LARP1B: variants seen among roughly 807,000 people sequenced by gnomAD.
LARP1B encodes la-related protein 1B.
In LARP1B, 76 loss-of-function variants were observed where a neutral mutation model predicts 114.2. That is an observed-to-expected ratio of 0.67 (90% CI 0.55 to 0.81). The LOEUF (loss-of-function observed/expected upper bound fraction) is 0.81. LARP1B is among the 30% of genes least tolerant of loss of function. The pLI is 0.00. For missense variants in LARP1B, 1,014 were observed against 1,075.8 expected (o/e 0.94, Z 0.80); for synonymous variants, 345 against 348.0 (o/e 0.99, Z 0.10).
intron 15 of LARP1B, among the ~76,000 whole-genome samples, chr4:128,185,154 C>G (rs1478238351): frequency 6.6e-6 from 1 of 152,152 alleles, no homozygotes; most frequent in Non-Finnish European, 1.5e-5. Flanking sequence ...GCAGCTGTCT[C>G]TTTGATATAC....
At chr4:128,085,265 T>G (rs1772970495) in intron 5 of LARP1B, among the ~76,000 whole-genome samples, 1 of 152,104 alleles carries the variant, frequency 6.6e-6, no homozygotes, top group Non-Finnish European at 1.5e-5. Flanking sequence ...CTTTTCTCCC[T>G]TTGTAATTAC....
chr4:128,110,379 T>C (rs1451209308), intron 9 of LARP1B, among the ~76,000 whole-genome samples: 4 of 151,704 alleles, frequency 2.6e-5, no homozygotes, highest in Admixed American at 2.0e-4. Context: ...TTACCCTTAA[T>C]CCGTTCAGAT....
At chr4:128,073,418 C>CAAAAAAAA (rs776553862) in intron 1 of LARP1B, among the ~76,000 whole-genome samples, 2 of 42,910 alleles carry the variant, frequency 4.7e-5, no homozygotes, top group African/African-American at 1.1e-4. Flanking sequence ...GATTCCGTCT[C>CAAAAAAAA]AAAAAAAAAA....
chr4:128,178,392 C>A, intron 13 of LARP1B, 39 bp from the exon 14 acceptor site: 1 of 1,399,734 alleles, frequency 7.1e-7, no homozygotes, highest in Non-Finnish European at 1.0e-6. Flanking sequence ...AAATATTTTC[C>A]TAGCATCTAA....
chr4:128,113,752 C>T (rs114855865), intron 9 of LARP1B, among the ~76,000 whole-genome samples: 3,881 of 145,938 alleles, frequency 0.027, 158 homozygotes, highest in African/African-American at 0.093. Flanking sequence ...ATTGCCAGGG[C>T]TGTGTGCGTT....
intron 5 of LARP1B, among the ~76,000 whole-genome samples, chr4:128,088,292 G>A (rs969419330): frequency 3.9e-5 from 6 of 152,056 alleles, no homozygotes; most frequent in Non-Finnish European, 1.5e-5. Context: ...TGTGCACTCT[G>A]CAATTTCATC....
intron 15 of LARP1B, among the ~76,000 whole-genome samples, chr4:128,193,093 C>T (rs1374887985): frequency 2.0e-5 from 3 of 152,144 alleles, no homozygotes; most frequent in Non-Finnish European, 4.4e-5. Flanking sequence ...CTTAGCCTCC[C>T]AAGGTGTTGG....
intron 11 of LARP1B, chr4:128,156,280 C>A: frequency 1.1e-6 from 1 of 925,042 alleles, no homozygotes; most frequent in Non-Finnish European, 1.7e-6. Flanking sequence ...TCCAGCTGGC[C>A]TGGACAGTAT....
At chr4:128,068,715 C>T (rs544988295) in intron 1 of LARP1B, among the ~76,000 whole-genome samples, 2 of 152,114 alleles carry the variant, frequency 1.3e-5, no homozygotes, top group South Asian at 4.1e-4. Context: ...TGGCAGATTC[C>T]TTTTTTTCCC....
intron 13 of LARP1B, among the ~76,000 whole-genome samples, chr4:128,178,035 G>T (rs1290402169): frequency 7.3e-6 from 1 of 137,848 alleles, no homozygotes; most frequent in Admixed American, 7.6e-5. Context: ...TTTACAAAGT[G>T]ATATATATAT....
At chr4:128,184,897 C>G (rs1749773863) in intron 15 of LARP1B, among the ~76,000 whole-genome samples, 1 of 152,112 alleles carries the variant, frequency 6.6e-6, no homozygotes, top group South Asian at 2.1e-4. Flanking sequence ...TTCTATGTTT[C>G]TGCAAATGAC....
intron 15 of LARP1B, among the ~76,000 whole-genome samples, chr4:128,194,404 T>C (rs988682986): frequency 7.9e-5 from 12 of 151,068 alleles, no homozygotes; most frequent in African/African-American, 2.7e-4. Context: ...TTTTCTTGGC[T>C]GGTCGCAGTG....
chr4:128,068,464 G>A (rs1177064805), intron 1 of LARP1B, among the ~76,000 whole-genome samples: 2 of 152,120 alleles, frequency 1.3e-5, no homozygotes, highest in Admixed American at 6.6e-5. Flanking sequence ...AGGACTACAG[G>A]CATGTGCCAC....
intron 12 of LARP1B, among the ~76,000 whole-genome samples, chr4:128,162,931 A>G (rs764990150): frequency 6.6e-5 from 10 of 152,140 alleles, no homozygotes; most frequent in Non-Finnish European, 1.3e-4. Context: ...CAAATTCTCA[A>G]TCACATGATT....
chr4:128,200,747 G>A (rs1755683807), intron 17 of LARP1B, 82 bp downstream of exon 17: 3 of 1,008,516 alleles, frequency 3.0e-6, no homozygotes, highest in African/African-American at 3.4e-5. Flanking sequence ...ATCCGATAGA[G>A]GGAGTTTTTA....
At chr4:128,209,420 CA>C (rs1275615028) in intron 19 of LARP1B, among the ~76,000 whole-genome samples, 1 of 151,386 alleles carries the variant, frequency 6.6e-6, no homozygotes, top group African/African-American at 2.4e-5. Flanking sequence ...GACTCTGTCT[CA>C]AAACAAAAAC....
At chr4:128,130,997 A>G (rs1446757317) in intron 11 of LARP1B, among the ~76,000 whole-genome samples, 3 of 152,252 alleles carry the variant, frequency 2.0e-5, no homozygotes, top group Non-Finnish European at 4.4e-5. Flanking sequence ...TAGTAACAGT[A>G]AAAAGATCAG....
intron 10 of LARP1B, among the ~76,000 whole-genome samples, chr4:128,115,892 C>T (rs938439105): frequency 6.6e-6 from 1 of 152,204 alleles, no homozygotes; most frequent in African/African-American, 2.4e-5. Flanking sequence ...CTCCTGTCCT[C>T]AAATAATTTG....
At chr4:128,067,279 G>C (rs1011111733) in intron 1 of LARP1B, among the ~76,000 whole-genome samples, 1 of 152,144 alleles carries the variant, frequency 6.6e-6, no homozygotes, top group African/African-American at 2.4e-5. Flanking sequence ...CTTTGAGAGA[G>C]AGAATTGTAT....
Sources: allele counts gnomAD v4.1 joint callset (sites outside exome capture counted in the v4.1 genomes callset), GRCh38; gene constraint gnomAD v4.1.1; transcripts MANE v1.5; gene names NCBI Gene and HGNC (gene_info 2026-07-23, HGNC 2026-07-21).